Variants in ROCK2 observed in about 807,000 individuals in gnomAD.
ROCK2 encodes rho-associated protein kinase 2.
ROCK2 carries 61 observed loss-of-function variants against 195.1 expected under a neutral mutation model. That is an observed-to-expected ratio of 0.31 (90% CI 0.25 to 0.39). ROCK2 has a LOEUF of 0.39. Among genes scored for constraint, ROCK2 ranks in the 10% least tolerant of loss-of-function variants. The pLI, the probability that ROCK2 is intolerant of heterozygous loss-of-function variation, is 1.00. For missense variants in ROCK2, 1,109 were observed against 1,637.4 expected (o/e 0.68, Z 5.57); for synonymous variants, 504 against 545.5 (o/e 0.92, Z 1.06).
chr2:11,207,629 G>A, intron 20 of ROCK2, 97 bp downstream of exon 20: 2 of 896,594 alleles, frequency 2.2e-6, no homozygotes, highest in Non-Finnish European at 3.3e-6. Context: ...ACATGGTCTA[G>A]AAAGTAAAAT....
chr2:11,194,485 G>A (rs566450656), intron 28 of ROCK2, 141 bp from the exon 29 acceptor site: 50 of 373,372 alleles, frequency 1.3e-4, no homozygotes, highest in Middle Eastern at 1.5e-3. Flanking sequence ...ATATCTTTAG[G>A]ACAGTCTTCC....
intron 17 of ROCK2, among the ~76,000 whole-genome samples, chr2:11,212,592 A>G (rs4477885): frequency 0.98 from 149,834 of 152,122 alleles, 73,799 homozygotes; most frequent in East Asian, 1. Flanking sequence ...AAGCCCCAAT[A>G]CTCCTCCTAT....
intron 1 of ROCK2, among the ~76,000 whole-genome samples, chr2:11,334,658 T>C (rs1486290298): frequency 7.2e-6 from 1 of 139,666 alleles, no homozygotes; most frequent in Non-Finnish European, 1.7e-5. Flanking sequence ...ATGAAGGCAA[T>C]GCTTAGCATA....
At chr2:11,243,884 C>T (rs916894482) in intron 4 of ROCK2, among the ~76,000 whole-genome samples, 9 of 152,128 alleles carry the variant, frequency 5.9e-5, no homozygotes, top group African/African-American at 1.9e-4. Flanking sequence ...ACAGGGAAAA[C>T]TGTATTGGGG....
chr2:11,206,503 G>A (rs1388910870), intron 20 of ROCK2, among the ~76,000 whole-genome samples: 1 of 152,130 alleles, frequency 6.6e-6, no homozygotes, highest in East Asian at 1.9e-4. Flanking sequence ...TCTGATTACT[G>A]TTCCAATTTC....
intron 3 of ROCK2, among the ~76,000 whole-genome samples, chr2:11,265,792 T>C (rs560676580): frequency 1.6e-4 from 25 of 152,250 alleles, no homozygotes; most frequent in South Asian, 1.2e-3. Flanking sequence ...GAATAAGAAG[T>C]AAGCAGGGGG....
chr2:11,180,137 G>C lies in ROCK2; in HGVS notation c.*3300C>G, dbSNP rs1662924550. 1 of 152,178 alleles carries C rather than the reference G, an allele frequency of 6.6e-6. No individual in the cohort carries two copies. Among genetic ancestry groups the C allele is most frequent in the Non-Finnish European group, 1.5e-5 (1 of 68,036 alleles). The allele number at this position is 152,178 out of a possible 1,614,324, so 9.4% of individuals were successfully genotyped here. Reference sequence around the variant, plus strand: ...CAGTAGCAGTGTCAATGCAGACTCAGAAGCTCGGCAGTGACTTGCTCAAAT... The same window carrying C: ...CAGTAGCAGTGTCAATGCAGACTCACAAGCTCGGCAGTGACTTGCTCAAAT... On this transcript the variant is annotated 3_prime_UTR_variant, in exon 33 of 33. Transcript: ENST00000315872.
chr2:11,251,775 G>T (rs915714359), intron 3 of ROCK2, among the ~76,000 whole-genome samples: 1 of 151,968 alleles, frequency 6.6e-6, no homozygotes, highest in African/African-American at 2.4e-5. Flanking sequence ...CTGACAAAGG[G>T]CTAATAACCA....
In ROCK2 at chr2:11,197,269, C is replaced by T. The variant is rs765108740; in HGVS notation, c.3359G>A (p.Arg1120Gln). The stretch of plus-strand genomic sequence containing the variant: ...AATATGCAAGGCTTGGAGTTGTGAC[C>T]GCAGCTGCTCAATGTCACTGTCTTT... Reference protein sequence around the residue: ...DSKDSDIEQLRSQLQALHIGL... With the variant: ...DSKDSDIEQLQSQLQALHIGL... The change falls in exon 27 of 33, where the codon CGG (arginine) becomes CAG (glutamine). Residue 1120 changes from arginine (R) to glutamine (Q), a missense_variant. By Grantham distance (43) the Arg-to-Gln change is conservative (BLOSUM62 1). Coordinates refer to ENST00000315872, the MANE Select transcript of ROCK2 (RefSeq NM_004850.5). The surrounding 1 kb of genome is among the most constrained non-coding windows in gnomAD (Gnocchi z 4.9). The T allele has an allele frequency of 4.3e-6, 7 of 1,613,876 alleles. No individual in the cohort carries two copies. The African/African-American group carries it at 5.3e-5, about 12-fold the overall frequency.
chr2:11,308,757 A>G (rs1572390596), intron 1 of ROCK2: 2 of 1,612,838 alleles, frequency 1.2e-6, no homozygotes, highest in East Asian at 2.2e-5. Context: ...TTCAAACACT[A>G]CAAGCCTAAA....
intron 1 of ROCK2, chr2:11,308,399 G>T: frequency 6.3e-7 from 1 of 1,587,098 alleles, no homozygotes; most frequent in South Asian, 1.1e-5. Flanking sequence ...TGGTGAAGAA[G>T]AGAATTTGGA....
At chr2:11,320,972 A>G (rs576827436) in intron 1 of ROCK2, among the ~76,000 whole-genome samples, 1 of 152,328 alleles carries the variant, frequency 6.6e-6, no homozygotes, top group Admixed American at 6.5e-5. Flanking sequence ...ACATATCTAC[A>G]TGAGACTACA....
At chr2:11,210,167 T>A (rs996282165) in intron 18 of ROCK2, among the ~76,000 whole-genome samples, 1 of 152,086 alleles carries the variant, frequency 6.6e-6, no homozygotes, top group Non-Finnish European at 1.5e-5. Flanking sequence ...AGCGTTTTAA[T>A]AGTTTGAAAA....
intron 3 of ROCK2, among the ~76,000 whole-genome samples, chr2:11,280,711 T>C (rs7589152): frequency 0.4 from 60,404 of 151,876 alleles, 13,554 homozygotes; most frequent in Admixed American, 0.52. Flanking sequence ...AGACATAATA[T>C]GCCAAAACTC....
chr2:11,246,201 T>C (rs1665609523), intron 4 of ROCK2, among the ~76,000 whole-genome samples: 1 of 152,160 alleles, frequency 6.6e-6, no homozygotes, highest in South Asian at 2.1e-4. Flanking sequence ...AAGTGGAACC[T>C]GAATCTGATC....
At chr2:11,319,093 T>G (rs1668320753) in intron 1 of ROCK2, among the ~76,000 whole-genome samples, 1 of 152,238 alleles carries the variant, frequency 6.6e-6, no homozygotes, top group Non-Finnish European at 1.5e-5. Flanking sequence ...GTGGGCTCTT[T>G]TTTGGTTCCA....
chr2:11,298,453 G>C (rs1269040890), intron 1 of ROCK2, among the ~76,000 whole-genome samples: 1 of 124,282 alleles, frequency 8.0e-6, no homozygotes, highest in Admixed American at 9.5e-5. Flanking sequence ...CTGAACAACA[G>C]AGTGAGACTC....
In ROCK2 at chr2:11,193,805, C is replaced by T; in HGVS notation, c.3661G>A (p.Ala1221Thr). The change falls in exon 30 of 33, where the codon GCT becomes ACT. Residue 1221 changes from alanine to threonine, a missense_variant. Around this residue, in one of 6 missense-constraint regions of ROCK2, gnomAD observed 221 missense variants for 355.1 expected, o/e 0.62. Transcript: ENST00000315872. ...TGGAATATCCTTGGAATTTCTTTAGCATCTGCTCTATACACATCTGTCTGT... is the reference window on the plus strand; with the variant it reads ...TGGAATATCCTTGGAATTTCTTTAGTATCTGCTCTATACACATCTGTCTGT... Reference protein sequence around the residue: ...VTQTDVYRADAKEIPRIFQIL... With the variant: ...VTQTDVYRADTKEIPRIFQIL... 1 of 1,597,292 alleles carries T rather than the reference C, an allele frequency of 6.3e-7. No individual in the cohort carries two copies. The highest frequency in any genetic ancestry group is 8.5e-7 in the Non-Finnish European group (1 of 1,171,530).
intron 1 of ROCK2, among the ~76,000 whole-genome samples, chr2:11,290,356 C>G (rs149378419): frequency 6.6e-6 from 1 of 151,996 alleles, no homozygotes; most frequent in African/African-American, 2.4e-5. Flanking sequence ...CCCAGCTACT[C>G]GGGAAGCTGA....
Sources: allele counts gnomAD v4.1 joint callset (sites outside exome capture counted in the v4.1 genomes callset), GRCh38; gene constraint gnomAD v4.1.1; regional missense constraint gnomAD v4.1.1; non-coding constraint Gnocchi (gnomAD v3.1); transcripts MANE v1.5; gene names NCBI Gene and HGNC (gene_info 2026-07-23, HGNC 2026-07-21).